Variants in ASIC5 observed in about 807,000 individuals in gnomAD.
ASIC5 encodes the protein acid sensing ion channel subunit family member 5, also known as bile acid-sensitive ion channel.
ASIC5 carries 52 observed loss-of-function variants against 51.2 expected under a neutral mutation model. The ratio of observed to expected loss-of-function variants is 1.02; its 90% CI spans 0.81 to 1.28. The LOEUF is 1.28. ASIC5 is among the 50% of genes most tolerant of loss of function. The probability of loss-of-function intolerance (pLI) is 0.00; values close to 1 mark genes in which losing one functional copy is unlikely to be tolerated. For synonymous variants in ASIC5, 231 were observed against 200.7 expected (o/e 1.15, Z -1.28); for missense variants, 635 against 595.0 (o/e 1.07, Z -0.70).
At chr4:155,858,988 C>T (rs915466521) in intron 2 of ASIC5, 33 of 152,094 alleles carry the variant, frequency 2.2e-4, no homozygotes, top group African/African-American at 7.7e-4. Context: ...AAATTCAGTA[C>T]AACTTCATTT....
chr4:155,864,329 T>G (rs2110781027), intron 1 of ASIC5, among the ~76,000 whole-genome samples: 1 of 152,284 alleles, frequency 6.6e-6, no homozygotes. Flanking sequence ...ATTAGTTAAG[T>G]AATCTATTTT....
intron 6 of ASIC5, 70 bp downstream of exon 6, chr4:155,842,137 G>A (rs1344693025): frequency 2.8e-6 from 4 of 1,415,748 alleles, no homozygotes; most frequent in Non-Finnish European, 3.9e-6. Flanking sequence ...ATTTCTCCCA[G>A]ACCTTTTGTA....
In ASIC5 at chr4:155,831,930, G is replaced by A; in HGVS notation, c.1236-15C>T. 1 of 1,341,554 alleles carries A rather than the reference G, an allele frequency of 7.5e-7. No homozygotes were observed. Among genetic ancestry groups the A allele is most frequent in the Non-Finnish European group, 1.1e-6 (1 of 939,686 alleles). 83.1% of individuals were successfully genotyped at this position (1,341,554 alleles called of 1,614,324 possible). A position where few individuals can be genotyped will look rare whatever the true frequency, so the allele number is the denominator to read the frequency against. On this transcript the variant is annotated splice_polypyrimidine_tract_variant and intron_variant, in intron 8 of 9. Transcript: ENST00000537611. ...CAAGATTCTCCCTAGGGATAAAAAA[G>A]AGAGTTAATATAGCTTAAGATTGTC...
At chr4:155,836,295 G>T (rs1740977669) in intron 8 of ASIC5, among the ~76,000 whole-genome samples, 1 of 152,138 alleles carries the variant, frequency 6.6e-6, no homozygotes, top group African/African-American at 2.4e-5. Flanking sequence ...TTCCTCTTCT[G>T]TAAAATTAGA....
intron 6 of ASIC5, among the ~76,000 whole-genome samples, chr4:155,839,103 C>A (rs1487248215): frequency 6.6e-6 from 1 of 152,118 alleles, no homozygotes; most frequent in Non-Finnish European, 1.5e-5. Flanking sequence ...CTCTTTCCAT[C>A]TGTCTATATC....
intron 4 of ASIC5, among the ~76,000 whole-genome samples, chr4:155,849,718 T>A (rs971848212): frequency 4.6e-5 from 7 of 152,082 alleles, no homozygotes; most frequent in Non-Finnish European, 8.8e-5. Context: ...TTTTTTTCTT[T>A]TTTTTCCCCC....
intron 7 of ASIC5, among the ~76,000 whole-genome samples, chr4:155,838,448 G>A (rs1363289197): frequency 6.6e-6 from 1 of 152,174 alleles, no homozygotes; most frequent in Non-Finnish European, 1.5e-5. Context: ...CCCAATCAGT[G>A]AGAGGAGTTC....
At chr4:155,842,139 C>A (rs777517945) in intron 6 of ASIC5, 68 bp downstream of exon 6, 105 of 1,431,266 alleles carry the variant, frequency 7.3e-5, no homozygotes, top group Non-Finnish European at 1.0e-4. Context: ...TTCTCCCAGA[C>A]CTTTTGTAAC....
At chr4:155,839,003 T>C (rs1741057003) in intron 6 of ASIC5, 134 bp from the exon 7 acceptor site, 1 of 577,318 alleles carries the variant, frequency 1.7e-6, no homozygotes. Context: ...TGAACATCTA[T>C]TCTTTCATAA....
At chr4:155,850,939 A>T (rs1741368311) in intron 4 of ASIC5, among the ~76,000 whole-genome samples, 2 of 152,056 alleles carry the variant, frequency 1.3e-5, no homozygotes, top group African/African-American at 4.8e-5. Flanking sequence ...GAATATAAAT[A>T]TAAAGAATAT....
Position 155,866,245 on chromosome 4 carries a change from A to C in ASIC5, c.-19T>G. The C allele has an allele frequency of 6.2e-7, 1 of 1,604,400 alleles. No homozygotes were observed. The highest frequency in any genetic ancestry group is 1.7e-5 in the Admixed American group (1 of 59,690). On this transcript the variant is annotated 5_prime_UTR_variant, in exon 1 of 10. Transcript: ENST00000537611. ...GCTCCATTTGTGATTTCAGTTAAGC[A>C]AGAGTCCTCAGGGTAACCCAATTTT... is the stretch of plus-strand genomic sequence containing the variant.
chr4:155,860,928 T>C (rs1741686751), intron 2 of ASIC5, among the ~76,000 whole-genome samples: 1 of 151,886 alleles, frequency 6.6e-6, no homozygotes, highest in African/African-American at 2.4e-5. Context: ...TTTAGCTGCA[T>C]CTCAAAAGTT....
At chr4:155,833,105 A>G (rs1740905787) in intron 8 of ASIC5, among the ~76,000 whole-genome samples, 1 of 152,146 alleles carries the variant, frequency 6.6e-6, no homozygotes, top group South Asian at 2.1e-4. Flanking sequence ...TCTTTTATAC[A>G]CTGAGGTATC....
chr4:155,840,658 C>T (rs1249485161), intron 6 of ASIC5, among the ~76,000 whole-genome samples: 1 of 151,794 alleles, frequency 6.6e-6, no homozygotes, highest in Non-Finnish European at 1.5e-5. Context: ...GAAACAAAGA[C>T]AATAACAGCC....
intron 6 of ASIC5, among the ~76,000 whole-genome samples, chr4:155,841,364 C>T (rs1490931365): frequency 6.6e-6 from 1 of 152,148 alleles, no homozygotes; most frequent in Non-Finnish European, 1.5e-5. Context: ...CACTTACATA[C>T]CCCTTTCATT....
At chr4:155,849,278 T>C (rs982060198) in intron 4 of ASIC5, among the ~76,000 whole-genome samples, 3 of 152,082 alleles carry the variant, frequency 2.0e-5, no homozygotes, top group Admixed American at 6.6e-5. Flanking sequence ...AAGTTTATCT[T>C]GGAACCTCGA....
intron 7 of ASIC5, among the ~76,000 whole-genome samples, chr4:155,837,541 T>C (rs1741013367): frequency 6.6e-6 from 1 of 152,142 alleles, no homozygotes; most frequent in Non-Finnish European, 1.5e-5. Context: ...TGGTAGATAC[T>C]CAGGTTCTTG....
At chr4:155,855,904 C>A (rs376745668) in intron 2 of ASIC5, among the ~76,000 whole-genome samples, 1 of 151,914 alleles carries the variant, frequency 6.6e-6, no homozygotes, top group East Asian at 1.9e-4. Flanking sequence ...TGCAGCCGGG[C>A]CTCCTCTTGC....
At chr4:155,834,113 A>G (rs1370120405) in intron 8 of ASIC5, among the ~76,000 whole-genome samples, 2 of 152,196 alleles carry the variant, frequency 1.3e-5, no homozygotes, top group Non-Finnish European at 2.9e-5. Flanking sequence ...CACTTGTTTT[A>G]CTAATGAAGT....
Sources: allele counts gnomAD v4.1 joint callset (sites outside exome capture counted in the v4.1 genomes callset), GRCh38; gene constraint gnomAD v4.1.1; transcripts MANE v1.5; gene names NCBI Gene and HGNC (gene_info 2026-07-23, HGNC 2026-07-21).